CACNB4: variants seen among roughly 807,000 people sequenced by gnomAD.
The protein encoded by CACNB4 is voltage-dependent L-type calcium channel subunit beta-4.
CACNB4 carries 32 observed loss-of-function variants against 71.2 expected under a neutral mutation model. That is an observed-to-expected ratio of 0.45 (90% CI 0.34 to 0.60). CACNB4 has a LOEUF of 0.60. Ranked by LOEUF, CACNB4 falls within the 20% of genes least tolerant of loss-of-function variation. The pLI, the probability that CACNB4 is intolerant of heterozygous loss-of-function variation, is 0.01. For synonymous variants in CACNB4, 231 were observed against 236.9 expected (o/e 0.97, Z 0.23); for missense variants, 464 against 647.9 (o/e 0.72, Z 3.08).
chr2:152,095,238 G>C (rs1253899124), intron 2 of CACNB4, among the ~76,000 whole-genome samples: 1 of 152,202 alleles, frequency 6.6e-6, no homozygotes, highest in East Asian at 1.9e-4. Context: ...CAGAGTGGAA[G>C]CAGGCTCTCT....
intron 2 of CACNB4, among the ~76,000 whole-genome samples, chr2:151,914,136 T>C (rs2099856907): frequency 6.6e-6 from 1 of 152,242 alleles, no homozygotes; most frequent in Non-Finnish European, 1.5e-5. Flanking sequence ...TTGGTCTTTT[T>C]ACGAATTCCC....
intron 2 of CACNB4, among the ~76,000 whole-genome samples, chr2:152,085,159 G>A (rs1196001115): frequency 1.3e-5 from 2 of 152,088 alleles, no homozygotes; most frequent in Non-Finnish European, 2.9e-5. Context: ...AGGGAGTGGA[G>A]GGATGAAAGC....
intron 2 of CACNB4, among the ~76,000 whole-genome samples, chr2:151,907,750 CAT>C (rs775576627): frequency 1.3e-5 from 2 of 152,194 alleles, no homozygotes. Context: ...CTTTCTCTGA[CAT>C]GTGATGGATA....
chr2:152,001,272 G>A (rs1473422783), intron 2 of CACNB4, among the ~76,000 whole-genome samples: 1 of 151,978 alleles, frequency 6.6e-6, no homozygotes, highest in Non-Finnish European at 1.5e-5. Flanking sequence ...GGAAGGAGAG[G>A]GCAGCAAGAA....
chr2:151,980,547 C>A (rs1258988540), intron 2 of CACNB4, among the ~76,000 whole-genome samples: 1 of 152,202 alleles, frequency 6.6e-6, no homozygotes, highest in Non-Finnish European at 1.5e-5. Context: ...TTTTACACAC[C>A]ATTATATCCC....
chr2:152,099,078 C>T (rs1161227711), upstream of CACNB4: 20 of 1,123,356 alleles, frequency 1.8e-5, no homozygotes, highest in Non-Finnish European at 2.5e-5. Flanking sequence ...CGAGGCTGGG[C>T]TGCGGACGGA....
chr2:151,860,379 A>G, intron 10 of CACNB4: 1 of 312,104 alleles, frequency 3.2e-6, no homozygotes, highest in Non-Finnish European at 5.9e-6. Flanking sequence ...GCTGTGACTC[A>G]GGTATGACAG....
At chr2:152,007,945 T>C (rs949214870) in intron 2 of CACNB4, among the ~76,000 whole-genome samples, 3 of 151,976 alleles carry the variant, frequency 2.0e-5, no homozygotes, top group African/African-American at 7.3e-5. Context: ...CTAATTTTTG[T>C]ATTTTTAGTA....
At chr2:151,963,310 T>C (rs536119136) in intron 2 of CACNB4, among the ~76,000 whole-genome samples, 108 of 75,414 alleles carry the variant, frequency 1.4e-3, no homozygotes, top group Non-Finnish European at 2.1e-3. Context: ...AGACACCGTC[T>C]CAAAAAAAAA....
chr2:152,009,256 A>T (rs1579119391), intron 2 of CACNB4, among the ~76,000 whole-genome samples: 5 of 152,250 alleles, frequency 3.3e-5, no homozygotes, highest in Admixed American at 3.3e-4. Context: ...CTCAAAGCAG[A>T]TTGAAAAATA....
chr2:151,891,457 T>C (rs2099850701), intron 2 of CACNB4, among the ~76,000 whole-genome samples: 1 of 152,228 alleles, frequency 6.6e-6, no homozygotes, highest in African/African-American at 2.4e-5. Flanking sequence ...ATTCCTTTTG[T>C]TAGGTTGAAT....
chr2:152,047,352 G>A (rs1057218234), intron 2 of CACNB4, among the ~76,000 whole-genome samples: 30 of 152,190 alleles, frequency 2.0e-4, no homozygotes, highest in African/African-American at 7.2e-4. Flanking sequence ...GAGGGGCCTA[G>A]AGAGAGTTAT....
Position 151,834,505 on chromosome 2 carries a change from A to G in CACNB4, c.*4614T>C, listed in dbSNP as rs1327082913. 1 of 152,030 alleles carries G rather than the reference A, an allele frequency of 6.6e-6. No homozygotes were observed. The highest frequency in any genetic ancestry group is 1.9e-4 in the East Asian group (1 of 5,208). The allele number at this position is 152,030 out of a possible 1,614,324, so 9.4% of individuals were successfully genotyped here. On this transcript the variant is annotated 3_prime_UTR_variant, in exon 14 of 14. Coordinates refer to ENST00000539935, the MANE Select transcript of CACNB4 (RefSeq NM_000726.5). ...TTAGAATTAATCATTACAAGTAAAA[A>G]GAGATAGCTGCTATCAGAGGATGTA...
At chr2:152,070,515 C>CA (rs894433965) in intron 2 of CACNB4, among the ~76,000 whole-genome samples, 6 of 151,940 alleles carry the variant, frequency 3.9e-5, no homozygotes, top group African/African-American at 1.5e-4. Flanking sequence ...ACACTTAACA[C>CA]AAAAATGGGT....
At chr2:151,909,228 C>A (rs967804416) in intron 2 of CACNB4, among the ~76,000 whole-genome samples, 3 of 150,714 alleles carry the variant, frequency 2.0e-5, no homozygotes, top group Non-Finnish European at 3.0e-5. Context: ...GTCAGGAGTT[C>A]AAGACCAGCC....
intron 2 of CACNB4, among the ~76,000 whole-genome samples, chr2:152,001,754 A>T (rs1326869477): frequency 1.3e-5 from 2 of 151,648 alleles, no homozygotes; most frequent in Admixed American, 6.6e-5. Flanking sequence ...TTTACGGGTA[A>T]CAAGTGCTTC....
At chr2:151,912,448 T>G (rs900375546) in intron 2 of CACNB4, among the ~76,000 whole-genome samples, 1 of 128,522 alleles carries the variant, frequency 7.8e-6, no homozygotes, top group Admixed American at 8.7e-5. Context: ...CAGGAGCAGG[T>G]TGCTCAATTT....
At chr2:152,084,195 G>T (rs1225943419) in intron 2 of CACNB4, among the ~76,000 whole-genome samples, 1 of 152,168 alleles carries the variant, frequency 6.6e-6, no homozygotes, top group Non-Finnish European at 1.5e-5. Flanking sequence ...TGCAGGTCAT[G>T]CTGCAGAAGC....
chr2:152,026,416 G>A (rs943912950), intron 2 of CACNB4, among the ~76,000 whole-genome samples: 13 of 149,560 alleles, frequency 8.7e-5, no homozygotes, highest in African/African-American at 2.2e-4. Context: ...ACAGGTTCTC[G>A]CTCTGTCACC....
Sources: gnomAD v4.1 joint callset for allele counts (sites outside exome capture counted in the v4.1 genomes callset) on GRCh38, gnomAD v4.1.1 for gene constraint, MANE v1.5 for transcripts, NCBI Gene and HGNC (gene_info 2026-07-23, HGNC 2026-07-21) for gene names.